The following TGFBR3 variants were observed in gnomAD, a reference collection of about 807,000 sequenced individuals.
TGFBR3 encodes the protein transforming growth factor beta receptor type 3.
TGFBR3 carries 46 observed loss-of-function variants against 87.9 expected under a neutral mutation model. The observed-to-expected ratio is 0.52, with a 90% CI of 0.41 to 0.67. The LOEUF (loss-of-function observed/expected upper bound fraction) is 0.67, where lower values mean the gene tolerates loss of function less well. TGFBR3 is among the 30% of genes least tolerant of loss of function. The pLI is 0.00. For synonymous variants in TGFBR3, 381 were observed against 391.6 expected (o/e 0.97, Z 0.32); for missense variants, 866 against 1,041.9 (o/e 0.83, Z 2.32).
chr1:91,837,716 T>C (rs1194530963), intron 2 of TGFBR3, among the ~76,000 whole-genome samples: 2 of 152,232 alleles, frequency 1.3e-5, no homozygotes, highest in East Asian at 3.8e-4. Context: ...CATTTTTAAA[T>C]TTGTGATATA....
chr1:91,887,976 G>A (rs1679370122), upstream of TGFBR3, among the ~76,000 whole-genome samples: 1 of 152,126 alleles, frequency 6.6e-6, no homozygotes, highest in Non-Finnish European at 1.5e-5. Flanking sequence ...ATATGGTTTG[G>A]CTGTGTCCCC....
intron 2 of TGFBR3, among the ~76,000 whole-genome samples, chr1:91,856,897 G>A (rs901237921): frequency 2.6e-5 from 4 of 152,286 alleles, no homozygotes; most frequent in Non-Finnish European, 5.9e-5. Flanking sequence ...TTGATGGGCT[G>A]GATTCTAGAG....
chr1:91,872,543 C>T (rs1314475920), intron 1 of TGFBR3, among the ~76,000 whole-genome samples: 2 of 152,158 alleles, frequency 1.3e-5, no homozygotes, highest in Non-Finnish European at 2.9e-5. Flanking sequence ...AGTCATCTGG[C>T]CTAAAAGTCT....
Position 91,720,168 on chromosome 1 carries a change from G to A in TGFBR3, c.1138C>T (p.Pro380Ser), listed in dbSNP as rs1672315876. 1 of 1,613,516 alleles carries A rather than the reference G, an allele frequency of 6.2e-7. No homozygotes were observed. Among genetic ancestry groups the A allele is most frequent in the Non-Finnish European group, 8.5e-7 (1 of 1,179,796 alleles). The change falls in exon 9 of 17, where the codon CCT becomes TCT. Residue 380 changes from proline to serine, a missense_variant. By Grantham distance (74) the Pro-to-Ser change is moderately conservative. Transcript: ENST00000212355. ...TTCTGCAGGGCAGGCAGGGCACCAG[G>A]GTCCAGCAGGATCCGTAGCTCAGGA... ...IPPELRILLD[P>S]GALPALQNPP...
At chr1:91,761,058 G>A (rs1673942617) in intron 3 of TGFBR3, among the ~76,000 whole-genome samples, 1 of 152,206 alleles carries the variant, frequency 6.6e-6, no homozygotes, top group Non-Finnish European at 1.5e-5. Flanking sequence ...GACTAGTAAT[G>A]TATATCTGCA....
intron 1 of TGFBR3, among the ~76,000 whole-genome samples, chr1:91,883,721 G>C (rs1332285103): frequency 6.6e-6 from 1 of 151,762 alleles, no homozygotes; most frequent in African/African-American, 2.4e-5. Flanking sequence ...GCCGTGTAAC[G>C]GTCAGATTCC....
At chr1:91,902,262 C>T (rs370840075) in intron 1 of TGFBR3, among the ~76,000 whole-genome samples, 1 of 75,826 alleles carries the variant, frequency 1.3e-5, no homozygotes. Context: ...CAGTTTCTTT[C>T]CTTTTCTTTT....
At chr1:91,727,095 T>C (rs917134346) in intron 7 of TGFBR3, among the ~76,000 whole-genome samples, 2 of 152,214 alleles carry the variant, frequency 1.3e-5, no homozygotes, top group Admixed American at 1.3e-4. Context: ...TTTCACTGAC[T>C]TCGCACTTAC....
At chr1:91,686,856 G>A (rs181813276) in intron 16 of TGFBR3, among the ~76,000 whole-genome samples, 4 of 152,292 alleles carry the variant, frequency 2.6e-5, no homozygotes, top group East Asian at 3.9e-4. Context: ...GGAGGACCTC[G>A]TGGCTAAGCA....
chr1:91,811,672 C>T (rs1676035126), intron 2 of TGFBR3, among the ~76,000 whole-genome samples: 1 of 151,992 alleles, frequency 6.6e-6, no homozygotes, highest in South Asian at 2.1e-4. Context: ...TGTATTTAAC[C>T]TAAAAATAAG....
At position 91,734,519 on chromosome 1, in the gene TGFBR3, C is replaced by A. The variant is rs532352106; in HGVS notation, c.568+257G>T. Among the ~76,000 whole-genome samples, 22 of 152,304 alleles carry A rather than the reference C, an allele frequency of 1.4e-4. No homozygotes were observed. In the East Asian group the frequency reaches 3.9e-3, roughly 27 times the overall value. On this transcript the variant is annotated intron_variant, in intron 5 of 16. Coordinates refer to ENST00000212355, the MANE Select transcript of TGFBR3 (RefSeq NM_003243.5). ...GCATGGGTGTCTTCTAAATCCCACA[C>A]AACAACCTTCTCCTCTCTCCCCCTG... is the stretch of plus-strand genomic sequence containing the variant.
intron 3 of TGFBR3, among the ~76,000 whole-genome samples, chr1:91,788,206 C>T (rs1417861657): frequency 1.3e-5 from 2 of 152,254 alleles, no homozygotes; most frequent in Middle Eastern, 3.4e-3. Context: ...AACATGTCAC[C>T]GCTACACCCT....
intron 2 of TGFBR3, among the ~76,000 whole-genome samples, chr1:91,806,202 G>A (rs751395025): frequency 3.9e-5 from 6 of 152,014 alleles, no homozygotes; most frequent in Non-Finnish European, 8.8e-5. Context: ...CTAAGATCTC[G>A]CTATAACATC....
chr1:91,888,593 T>C (rs1195999965), upstream of TGFBR3, among the ~76,000 whole-genome samples: 4 of 152,028 alleles, frequency 2.6e-5, no homozygotes, highest in Non-Finnish European at 4.4e-5. Context: ...TCCCAGCTAC[T>C]TGGGAGGCTG....
At chr1:91,762,840 T>A (rs945500671) in intron 3 of TGFBR3, among the ~76,000 whole-genome samples, 2 of 152,232 alleles carry the variant, frequency 1.3e-5, no homozygotes, top group Non-Finnish European at 2.9e-5. Flanking sequence ...AAAGCAGATC[T>A]TCTGAGTGTT....
chr1:91,770,845 A>T (rs958787816), intron 3 of TGFBR3: 1 of 152,100 alleles, frequency 6.6e-6, no homozygotes, highest in Non-Finnish European at 1.5e-5. Flanking sequence ...TACTTACCAC[A>T]CCCCTTTTCT....
At chr1:91,689,063 C>A (rs976777383) in intron 16 of TGFBR3, among the ~76,000 whole-genome samples, 2 of 152,154 alleles carry the variant, frequency 1.3e-5, no homozygotes. Context: ...AAGATGAATG[C>A]CTTCGGCTTT....
rs34182358 is a variant in TGFBR3 at position 91,833,779 on chromosome 1, C to CAA, written c.61+27690_61+27691dup. Among the ~76,000 whole-genome samples the CAA allele has an allele frequency of 2.4e-3, 324 of 136,740 alleles. 2 individuals are homozygous for CAA. Among genetic ancestry groups the CAA allele is most frequent in the African/African-American group, 8.4e-3 (297 of 35,324 alleles). 89.7% of individuals were successfully genotyped at this position (136,740 alleles called of 152,430 possible). A position where few individuals can be genotyped will look rare whatever the true frequency, so the allele number is the denominator to read the frequency against. ...TGGGTGACAGAGTGAGACTTCATCTCAAAAAAAAAAAAAGGAAGAAAACCC... is the reference window on the plus strand; with the variant it reads ...TGGGTGACAGAGTGAGACTTCATCTCAAAAAAAAAAAAAAAGGAAGAAAACCC... On this transcript the variant is annotated intron_variant, in intron 2 of 16. Coordinates refer to ENST00000212355, the MANE Select transcript of TGFBR3 (RefSeq NM_003243.5).
At chr1:91,690,814 G>A (rs977234641) in intron 16 of TGFBR3, among the ~76,000 whole-genome samples, 6 of 152,038 alleles carry the variant, frequency 3.9e-5, no homozygotes, top group Admixed American at 2.6e-4. Flanking sequence ...CCAATGATGA[G>A]GTATCAGGGA....
Sources: allele counts gnomAD v4.1 joint callset (sites outside exome capture counted in the v4.1 genomes callset), GRCh38; gene constraint gnomAD v4.1.1; transcripts MANE v1.5; gene names NCBI Gene and HGNC (gene_info 2026-07-23, HGNC 2026-07-21).